The following ZNF284 variants were observed in gnomAD, a reference collection of about 807,000 sequenced individuals.
ZNF284 encodes zinc finger protein 284.
A neutral mutation model predicts 12.9 loss-of-function variants in ZNF284; 12 were observed. The observed-to-expected ratio is 0.93, with a 90% CI of 0.60 to 1.51. The LOEUF is 1.51. Among genes scored for constraint, ZNF284 ranks in the 40% most tolerant of loss-of-function variants. ZNF284 has a pLI of 0.00. For missense variants in ZNF284, 667 were observed against 707.3 expected (o/e 0.94, Z 0.65); for synonymous variants, 225 against 236.5 (o/e 0.95, Z 0.45).
At chr19:44,081,546 C>A (rs916580873) in intron 3 of ZNF284, among the ~76,000 whole-genome samples, 51 of 151,688 alleles carry the variant, frequency 3.4e-4, no homozygotes, top group African/African-American at 1.1e-3. Context: ...CCCGTCTCTA[C>A]TAAAAATACA....
chr19:44,084,580 C>T (rs1198888723), intron 4 of ZNF284, among the ~76,000 whole-genome samples: 1 of 152,184 alleles, frequency 6.6e-6, no homozygotes, highest in Non-Finnish European at 1.5e-5. Context: ...CTGGTGAGTG[C>T]ACACACTTTG....
intron 4 of ZNF284, among the ~76,000 whole-genome samples, chr19:44,083,464 T>TAG (rs1308254748): frequency 6.7e-5 from 4 of 59,538 alleles, no homozygotes; most frequent in African/African-American, 2.1e-4. Context: ...TATATATATA[T>TAG]ATATATATAT....
rs1448980688 is a variant in ZNF284, at chr19:44,087,304, A to C, written c.*44A>C. 1 of 1,280,612 alleles carries C rather than the reference A, an allele frequency of 7.8e-7. No individual in the cohort carries two copies. Among genetic ancestry groups the C allele is most frequent in the East Asian group, 2.6e-5 (1 of 39,194 alleles). 79.3% of individuals were successfully genotyped at this position (1,280,612 alleles called of 1,614,324 possible). On this transcript the variant is annotated 3_prime_UTR_variant, in exon 5 of 5. Coordinates refer to ENST00000421176, the MANE Select transcript of ZNF284 (RefSeq NM_001037813.4). ...GGTTACAGCATATTTCAATACATGT[A>C]TACAATGTATAATGATCAAATCAGT...
rs759571213 is a variant in ZNF284 at position 44,086,914 on chromosome 19, G to C, written c.1436G>C (p.Gly479Ala). Residue 479 changes from glycine to alanine, a missense_variant, in exon 5 of 5, where the codon GGA becomes GCA. By Grantham distance (60) the Gly-to-Ala change is moderately conservative (BLOSUM62 0). Coordinates refer to ENST00000421176, the MANE Select transcript of ZNF284 (RefSeq NM_001037813.4). ...GILRHKRLHT[G>A]EKPFKCEECG... ...TTGAGACATAAGAGACTCCATACTG[G>C]AGAAAAACCATTCAAATGTGAAGAG... The C allele has an allele frequency of 6.2e-7, 1 of 1,614,142 alleles. No individual in the cohort carries two copies. The highest frequency in any genetic ancestry group is 8.5e-7 in the Non-Finnish European group (1 of 1,180,008).
At chr19:44,078,833 C>A (rs886876364) in intron 2 of ZNF284, among the ~76,000 whole-genome samples, 2 of 151,970 alleles carry the variant, frequency 1.3e-5, no homozygotes, top group Non-Finnish European at 2.9e-5. Context: ...CTGTGTTGCC[C>A]AGGCTGGAGT....
At position 44,086,866 on chromosome 19, in the gene ZNF284, G is replaced by A. The variant is rs769028075; in HGVS notation, c.1388G>A (p.Ser463Asn). The change falls in exon 5 of 5, where the codon AGC becomes AAC. Residue 463 changes from serine (S) to asparagine (N), a missense_variant. Physicochemically the swap from Ser to Asn is conservative, Grantham distance 46 (BLOSUM62 1). Transcript: ENST00000421176. ...RPYNCKECGK[S>N]FRWASGILRH... ...TATAATTGTAAGGAATGTGGAAAGA[G>A]CTTCAGGTGGGCCTCAGGTATTTTG... is the stretch of plus-strand genomic sequence containing the variant. 3.0e-5 allele frequency: 49 copies of A among 1,613,778 alleles called. No individual in the cohort carries two copies. Among genetic ancestry groups the A allele is most frequent in the Admixed American group, 3.3e-5 (2 of 59,936 alleles).
chr19:44,081,856 T>G (rs1967132032), intron 3 of ZNF284, among the ~76,000 whole-genome samples, 157 bp from the exon 4 acceptor site: 1 of 152,092 alleles, frequency 6.6e-6, no homozygotes, highest in Admixed American at 6.5e-5. Flanking sequence ...CTCCCTCTTA[T>G]GACATGTGGG....
intron 4 of ZNF284, among the ~76,000 whole-genome samples, chr19:44,083,784 A>G (rs113859512): frequency 1.9e-3 from 287 of 152,014 alleles, no homozygotes; most frequent in African/African-American, 5.5e-3. Flanking sequence ...TTTTAAGGCT[A>G]TGTGTACCGG....
intron 4 of ZNF284, among the ~76,000 whole-genome samples, chr19:44,082,647 A>AAGCCTAGGGTGTCCCTAGGGCTT (rs1967146976): frequency 6.6e-6 from 1 of 152,136 alleles, no homozygotes; most frequent in Non-Finnish European, 1.5e-5. Context: ...TCCTGTCTAG[A>AAGCCTAGGGTGTCCCTAGGGCTT]TGTTCTTGGG....
At chr19:44,083,225 A>G (rs766043217) in intron 4 of ZNF284, among the ~76,000 whole-genome samples, 13 of 151,988 alleles carry the variant, frequency 8.6e-5, no homozygotes, top group Non-Finnish European at 1.5e-4. Flanking sequence ...GCATGAGGCC[A>G]GGAGTTTGAG....
chr19:44,084,871 TG>T (rs1338298102), intron 4 of ZNF284, among the ~76,000 whole-genome samples: 1 of 152,082 alleles, frequency 6.6e-6, no homozygotes, highest in Non-Finnish European at 1.5e-5. Flanking sequence ...TCAGGAAGTG[TG>T]TGGGTCCCAT....
intron 4 of ZNF284, among the ~76,000 whole-genome samples, chr19:44,082,643 C>G (rs1301658804): frequency 2.6e-5 from 4 of 152,184 alleles, no homozygotes; most frequent in Admixed American, 2.6e-4. Flanking sequence ...TTGTTCCTGT[C>G]TAGATGTTCT....
At chr19:44,083,503 G>GAGAGAGAGAGAGAGAGAGAGAGA (rs1568522606) in intron 4 of ZNF284, among the ~76,000 whole-genome samples, 3 of 22,418 alleles carry the variant, frequency 1.3e-4, no homozygotes, top group African/African-American at 1.9e-4. Context: ...AGAGAGAGAG[G>GAGAGAGAGAGAGAGAGAGAGAGA]GAATGGAATA....
intron 2 of ZNF284, among the ~76,000 whole-genome samples, chr19:44,079,905 G>T (rs982981657): frequency 1.3e-5 from 2 of 151,974 alleles, no homozygotes; most frequent in Non-Finnish European, 2.9e-5. Context: ...TCCAGCCTGG[G>T]CAACAAGAGC....
Position 44,074,360 on chromosome 19 carries a change from C to G in ZNF284, c.-68-1962C>G, listed in dbSNP as rs556182868. The stretch of plus-strand genomic sequence containing the variant: ...AAGAGCGAAACTGCATCCTCTGCCT[C>G]CCGGTCTCAAAAAAAAAAAATATTT... On this transcript the variant is annotated intron_variant, in intron 1 of 4. Coordinates refer to ENST00000421176, the MANE Select transcript of ZNF284 (RefSeq NM_001037813.4). 2.9e-4 allele frequency among the ~76,000 whole-genome samples: 42 copies of G among 144,758 alleles called. No individual in the cohort carries two copies. In the South Asian group the frequency reaches 9.1e-3, roughly 31 times the overall value. 95.0% of individuals were successfully genotyped at this position (144,758 alleles called of 152,430 possible).
Position 44,087,289 on chromosome 19 carries a change from T to A in ZNF284, c.*29T>A. 7.0e-7 allele frequency: 1 copy of A among 1,421,076 alleles called. No individual in the cohort carries two copies. Among genetic ancestry groups the A allele is most frequent in the East Asian group, 2.5e-5 (1 of 39,918 alleles). 88.0% of individuals were successfully genotyped at this position (1,421,076 alleles called of 1,614,324 possible). ...TTGTCCATATTTATGGGTTACAGCA[T>A]ATTTCAATACATGTATACAATGTAT... On this transcript the variant is annotated 3_prime_UTR_variant, in exon 5 of 5. Coordinates refer to ENST00000421176, the MANE Select transcript of ZNF284 (RefSeq NM_001037813.4).
At chr19:44,085,571 C>A in intron 4 of ZNF284, 143 bp from the exon 5 acceptor site, 1 of 710,646 alleles carries the variant, frequency 1.4e-6, no homozygotes, top group Non-Finnish European at 2.3e-6. Context: ...TTCGTGACAA[C>A]GAGAGACCGT....
rs1046462195 is a variant in ZNF284 at position 44,082,031 on chromosome 19, G to A, written c.161G>A (p.Arg54Gln). 7.4e-6 allele frequency: 12 copies of A among 1,613,712 alleles called. No homozygotes were observed. The highest frequency in any genetic ancestry group is 5.5e-5 in the South Asian group (5 of 91,054). Residue 54 changes from arginine to glutamine, a missense_variant, in exon 4 of 5, where the codon CGA becomes CAA. Transcript: ENST00000421176. ...TTCACAGGGCATCAACTTTCCCACC[G>A]AGATACTTTTCACTTCCAAAGAGAA... The part of the protein sequence containing the change: ...LLSVGHQLSH[R>Q]DTFHFQREEK...
chr19:44,078,324 T>C (rs1019508370), intron 2 of ZNF284, among the ~76,000 whole-genome samples: 1 of 152,216 alleles, frequency 6.6e-6, no homozygotes, highest in Non-Finnish European at 1.5e-5. Flanking sequence ...TTTTGGCTAT[T>C]TTAAGAAAAA....
Sources: allele counts gnomAD v4.1 joint callset (sites outside exome capture counted in the v4.1 genomes callset), GRCh38; gene constraint gnomAD v4.1.1; transcripts MANE v1.5; gene names NCBI Gene and HGNC (gene_info 2026-07-23, HGNC 2026-07-21).